Variants in JAK2 observed in about 807,000 individuals in gnomAD.
JAK2 encodes the protein tyrosine-protein kinase JAK2.
JAK2 carries 86 observed loss-of-function variants against 139.3 expected under a neutral mutation model. The ratio of observed to expected loss-of-function variants is 0.62; its 90% confidence interval spans 0.52 to 0.74. JAK2 has a LOEUF of 0.74. Ranked by LOEUF, JAK2 falls within the 30% of genes least tolerant of loss-of-function variation. JAK2 has a pLI of 0.00. For synonymous variants in JAK2, 490 were observed against 437.7 expected, an observed-to-expected ratio of 1.12 and a Z score of -1.49; for missense variants, 1,421 against 1,360.3, an observed-to-expected ratio of 1.04 and a Z score of -0.70.
chr9:5,102,493 C>T (rs1296159739), intron 22 of JAK2, among the ~76,000 whole-genome samples: 4 of 152,122 alleles, frequency 2.6e-5, no homozygotes, highest in African/African-American at 9.7e-5. Context: ...GGAGAACTTC[C>T]CCGACCTACC....
chr9:5,117,240 G>A (rs980984225), intron 22 of JAK2, among the ~76,000 whole-genome samples: 5 of 152,148 alleles, frequency 3.3e-5, no homozygotes, highest in Non-Finnish European at 5.9e-5. Flanking sequence ...CCATTGTCAG[G>A]TACTCTGTTA....
chr9:4,990,198 C>G (rs190533686), intron 2 of JAK2, among the ~76,000 whole-genome samples: 1 of 152,062 alleles, frequency 6.6e-6, no homozygotes, highest in African/African-American at 2.4e-5. Context: ...TTTTCAGTGA[C>G]GGAGGAAATC....
intron 22 of JAK2, among the ~76,000 whole-genome samples, chr9:5,102,023 C>A (rs905590222): frequency 5.3e-5 from 8 of 152,172 alleles, no homozygotes; most frequent in African/African-American, 1.9e-4. Context: ...TCCTTGCCAG[C>A]TGGATGGAGA....
rs769401778 is a variant in JAK2 at position 5,055,712 on chromosome 9, G to C, written c.980G>C (p.Ser327Thr). The C allele has an allele frequency of 6.3e-7, 1 of 1,593,578 alleles. No homozygotes were observed. The highest frequency in any genetic ancestry group is 8.6e-7 in the Non-Finnish European group (1 of 1,162,318). ...GATTTTCCTAATATTATTGATGTCA[G>C]TATTAAGCAAGCAAACCAAGAGGGT... ...YCDFPNIIDVSIKQANQEGSN... is the reference protein window; with the variant it reads ...YCDFPNIIDVTIKQANQEGSN... Residue 327 changes from serine to threonine, a missense_variant, in exon 8 of 25, where the codon AGT becomes ACT. Ser to Thr is a moderately conservative substitution (Grantham distance 58, BLOSUM62 1). Transcript: ENST00000381652.
Position 5,066,737 on chromosome 9 carries a change from T to G in JAK2, c.1274T>G (p.Leu425Arg). 2 of 1,606,728 alleles carry G rather than the reference T, an allele frequency of 1.2e-6. No homozygotes were observed. Among genetic ancestry groups the G allele is most frequent in the Non-Finnish European group, 1.7e-6 (2 of 1,176,672 alleles). Residue 425 changes from leucine to arginine, a missense_variant, in exon 10 of 25, where the codon CTT (leucine) becomes CGT (arginine). Physicochemically the swap from Leu to Arg is moderately radical, Grantham distance 102. Coordinates refer to ENST00000381652, the MANE Select transcript of JAK2 (RefSeq NM_004972.4). ...GGTAATCAGACTGGACTGTATGTAC[T>G]TCGATGCAGTCCTAAGGACTTTAAT... is the stretch of plus-strand genomic sequence containing the variant. ...KAGNQTGLYV[L>R]RCSPKDFNKY...
rs1161337962 is a variant in JAK2, at chr9:5,090,457, C to A, written c.2773C>A (p.Leu925Ile). The A allele has an allele frequency of 1.9e-6, 3 of 1,559,830 alleles. No homozygotes were observed. Among genetic ancestry groups the A allele is most frequent in the East Asian group, 4.6e-5 (2 of 43,812 alleles). ...CTTTATGTTAAAAGGTCGGCGTAAT[C>A]TAAAATTAATTATGGAATATTTACC... ...GVCYSAGRRN[L>I]KLIMEYLPYG... Residue 925 changes from leucine (L) to isoleucine (I), a missense_variant, in exon 21 of 25, where the codon CTA (leucine) becomes ATA (isoleucine). Coordinates refer to ENST00000381652, the MANE Select transcript of JAK2 (RefSeq NM_004972.4).
chr9:5,115,174 A>G (rs1220885328), intron 22 of JAK2, among the ~76,000 whole-genome samples: 4 of 152,172 alleles, frequency 2.6e-5, no homozygotes, highest in Admixed American at 2.0e-4. Context: ...ACCTGACAAA[A>G]GGCTAATATC....
chr9:4,989,893 T>C (rs1820148665), intron 2 of JAK2, among the ~76,000 whole-genome samples: 1 of 152,198 alleles, frequency 6.6e-6, no homozygotes, highest in South Asian at 2.1e-4. Context: ...AATGCTAGGA[T>C]GAGAAGAATG....
At chr9:5,055,027 A>T (rs1817667173) in intron 7 of JAK2, 143 bp downstream of exon 7, 1 of 525,990 alleles carries the variant, frequency 1.9e-6, no homozygotes, top group South Asian at 4.1e-5. Context: ...TGAACCTATC[A>T]AGGTCATATA....
chr9:5,044,375 C>T (rs1204868243), intron 4 of JAK2, 28 bp from the exon 5 acceptor site: 3 of 1,399,306 alleles, frequency 2.1e-6, no homozygotes, highest in South Asian at 1.2e-5. Flanking sequence ...TATTTGGAAG[C>T]TGACCAAATG....
intron 2 of JAK2, among the ~76,000 whole-genome samples, chr9:4,989,170 CTATT>C (rs996862212): frequency 3.9e-5 from 6 of 152,164 alleles, no homozygotes; most frequent in African/African-American, 1.4e-4. Flanking sequence ...AATCCCTGCC[CTATT>C]TATTTAGTCT....
intron 13 of JAK2, among the ~76,000 whole-genome samples, chr9:5,072,966 A>T (rs1819072294): frequency 6.6e-6 from 1 of 152,166 alleles, no homozygotes; most frequent in Non-Finnish European, 1.5e-5. Context: ...AAAAAAAACA[A>T]AAAACCAAGT....
rs539384724 is a variant in JAK2, at chr9:5,123,511, A to G, written c.3177+390A>G. 5.9e-5 allele frequency among the ~76,000 whole-genome samples: 9 copies of G among 152,120 alleles called. No individual in the cohort carries two copies. In the East Asian group the frequency reaches 1.7e-3, roughly 29 times the overall value. On this transcript the variant is annotated intron_variant, in intron 23 of 24. Transcript: ENST00000381652. ...CGTTGTTATGGCTGAATAGTATTCC[A>G]TTTTGTATGTATACCACATTTTCTT...
chr9:5,025,500 TTTC>T (rs1822722710), intron 3 of JAK2, among the ~76,000 whole-genome samples: 3 of 152,088 alleles, frequency 2.0e-5, no homozygotes, highest in South Asian at 2.1e-4. Context: ...CCTTCTTTCT[TTTC>T]TTCTTCTTTT....
chr9:5,007,151 G>T (rs1291652336), intron 2 of JAK2, among the ~76,000 whole-genome samples: 1 of 150,832 alleles, frequency 6.6e-6, no homozygotes, highest in Non-Finnish European at 1.5e-5. Flanking sequence ...TCATTTTTAT[G>T]GTTTTTGGCT....
At chr9:5,064,544 A>C (rs1239497089) in intron 8 of JAK2, among the ~76,000 whole-genome samples, 7 of 152,112 alleles carry the variant, frequency 4.6e-5, no homozygotes, top group African/African-American at 1.4e-4. Context: ...AAAAAAAGAA[A>C]AAAGGAAATG....
At chr9:5,035,028 G>A (rs1019863402) in intron 4 of JAK2, among the ~76,000 whole-genome samples, 18 of 152,158 alleles carry the variant, frequency 1.2e-4, no homozygotes, top group Non-Finnish European at 2.4e-4. Flanking sequence ...TCAAATACAT[G>A]CAATAAAAAA....
chr9:5,088,551 A>G (rs1820307902), intron 19 of JAK2, among the ~76,000 whole-genome samples: 2 of 152,240 alleles, frequency 1.3e-5, no homozygotes, highest in Admixed American at 1.3e-4. Flanking sequence ...TCAAAAAAAA[A>G]AATGTAGAGT....
chr9:5,041,633 T>C (rs754448083), intron 4 of JAK2: 3 of 501,230 alleles, frequency 6.0e-6, no homozygotes, highest in Non-Finnish European at 1.2e-5. Context: ...GCCTGGACTT[T>C]GAGAAGCTCG....
Sources: gnomAD v4.1 joint callset for allele counts (sites outside exome capture counted in the v4.1 genomes callset) on GRCh38, gnomAD v4.1.1 for gene constraint, MANE v1.5 for transcripts, NCBI Gene and HGNC (gene_info 2026-07-23, HGNC 2026-07-21) for gene names.